The following GPATCH2 variants were observed in gnomAD, a reference collection of about 807,000 sequenced individuals.
GPATCH2 encodes G patch domain-containing protein 2.
A neutral mutation model predicts 58.0 loss-of-function variants in GPATCH2; 51 were observed. The observed-to-expected ratio is 0.88, with a 90% CI of 0.70 to 1.11. The LOEUF (loss-of-function observed/expected upper bound fraction) is 1.11. Among genes scored for constraint, GPATCH2 ranks in the 50% most tolerant of loss-of-function variants. The probability of loss-of-function intolerance (pLI) is 0.00; values close to 1 mark genes in which losing one functional copy is unlikely to be tolerated. For missense variants in GPATCH2, 625 were observed against 652.2 expected (o/e 0.96, Z 0.45); for synonymous variants, 222 against 218.5 (o/e 1.02, Z -0.14).
In GPATCH2 at chr1:217,547,244, T is replaced by G. The variant is rs1665101257; in HGVS notation, c.1099-32355A>C. Among the ~76,000 whole-genome samples the G allele has an allele frequency of 2.0e-5, 3 of 152,048 alleles. No individual in the cohort carries two copies. In the East Asian group the frequency reaches 5.8e-4, roughly 29 times the overall value. On this transcript the variant is annotated intron_variant, in intron 5 of 9. Coordinates refer to ENST00000366935, the MANE Select transcript of GPATCH2 (RefSeq NM_018040.5). ...CAGGTGTGGTGGTGGGCACCTGTAA[T>G]CCCAGCTACTTGGGAAGCTGAGGCA... is the stretch of plus-strand genomic sequence containing the variant.
In GPATCH2 at chr1:217,529,479, C is replaced by T. The variant is rs558383856; in HGVS notation, c.1099-14590G>A. Among the ~76,000 whole-genome samples the T allele has an allele frequency of 4.6e-5, 7 of 152,268 alleles. No homozygotes were observed. The East Asian group carries it at 5.8e-4, about 13-fold the overall frequency. On this transcript the variant is annotated intron_variant, in intron 5 of 9. Transcript: ENST00000366935. ...GTGGGTTGTTATAAAGCCAGGACAT[C>T]GCTCAGGTTTTTCTCTTCACACATG...
In GPATCH2 at chr1:217,491,723, C is replaced by T; in HGVS notation, c.1234G>A (p.Glu412Lys). The change falls in exon 8 of 10, where the codon GAA becomes AAA. Residue 412 changes from glutamate (E) to lysine (K), a missense_variant. By Grantham distance (56) the Glu-to-Lys change is moderately conservative. Transcript: ENST00000366935. ...QHQLLRDNRA[E>K]RGHKKNCSVR... ...GAACAATTTTTCTTGTGTCCTCTTT[C>T]AGCTCGATTATCTCTCAGAAGCTGA... 6.7e-7 allele frequency: 1 copy of T among 1,495,578 alleles called. No homozygotes were observed. Among genetic ancestry groups the T allele is most frequent in the Non-Finnish European group, 9.2e-7 (1 of 1,083,722 alleles). The allele number at this position is 1,495,578 out of a possible 1,614,324, so 92.6% of individuals were successfully genotyped here. A position where few individuals can be genotyped will look rare whatever the true frequency, so the allele number is the denominator to read the frequency against.
intron 9 of GPATCH2, among the ~76,000 whole-genome samples, chr1:217,442,542 A>G (rs1473788675): frequency 2.0e-5 from 3 of 152,182 alleles, no homozygotes; most frequent in Non-Finnish European, 4.4e-5. Context: ...TTCTTTTGCC[A>G]TATTTCCCCA....
intron 1 of GPATCH2, among the ~76,000 whole-genome samples, chr1:217,627,244 G>C (rs990787796): frequency 7.2e-5 from 11 of 151,900 alleles, no homozygotes; most frequent in African/African-American, 2.7e-4. Context: ...AGAGAAACTG[G>C]TCACCAAAAG....
At chr1:217,508,031 G>A (rs1424826876) in intron 6 of GPATCH2, among the ~76,000 whole-genome samples, 1 of 151,990 alleles carries the variant, frequency 6.6e-6, no homozygotes, top group Non-Finnish European at 1.5e-5. Flanking sequence ...TTCATACCTA[G>A]TTTAATAATA....
intron 8 of GPATCH2, among the ~76,000 whole-genome samples, chr1:217,470,447 T>A (rs191846650): frequency 6.6e-6 from 1 of 152,226 alleles, no homozygotes; most frequent in South Asian, 2.1e-4. Flanking sequence ...CCACTGGGCA[T>A]ATTACTTATT....
intron 3 of GPATCH2, 150 bp from the exon 4 acceptor site, chr1:217,611,221 T>C (rs1558524586): frequency 4.4e-6 from 3 of 687,038 alleles, no homozygotes; most frequent in Non-Finnish European, 7.2e-6. Context: ...TATTATATAC[T>C]TGCACTAAAT....
chr1:217,590,022 G>A (rs115932326), intron 5 of GPATCH2, among the ~76,000 whole-genome samples: 4,111 of 148,326 alleles, frequency 0.028, 75 homozygotes, highest in Middle Eastern at 0.11. Flanking sequence ...TCTGTACAAC[G>A]TCTTTTTTTT....
intron 7 of GPATCH2, among the ~76,000 whole-genome samples, chr1:217,493,404 G>T (rs1275283706): frequency 1.3e-5 from 2 of 152,000 alleles, no homozygotes; most frequent in African/African-American, 2.4e-5. Context: ...TTAGTTTGGG[G>T]TATGTACCAT....
chr1:217,593,534 G>C (rs1667685070), intron 5 of GPATCH2, among the ~76,000 whole-genome samples: 1 of 151,956 alleles, frequency 6.6e-6, no homozygotes, highest in Non-Finnish European at 1.5e-5. Context: ...TAATTCTGTA[G>C]CAATATTTTG....
chr1:217,460,225 G>A (rs980057134), intron 8 of GPATCH2, among the ~76,000 whole-genome samples: 13 of 152,146 alleles, frequency 8.5e-5, no homozygotes, highest in African/African-American at 2.9e-4. Flanking sequence ...TGAACAGAAA[G>A]TTAAGTTATT....
intron 5 of GPATCH2, among the ~76,000 whole-genome samples, chr1:217,523,348 A>G (rs1459536233): frequency 1.3e-5 from 2 of 151,532 alleles, no homozygotes; most frequent in Non-Finnish European, 2.9e-5. Context: ...GTCCCTGGGT[A>G]CTTGAGATTA....
intron 5 of GPATCH2, among the ~76,000 whole-genome samples, chr1:217,518,119 A>C (rs1392630072): frequency 6.6e-6 from 1 of 152,140 alleles, no homozygotes; most frequent in African/African-American, 2.4e-5. Flanking sequence ...TTATCACACA[A>C]AGTCTTAAGA....
Position 217,610,323 on chromosome 1 carries a change from T to C in GPATCH2, c.1096A>G (p.Met366Val), listed in dbSNP as rs1668562756. ...IKKSGGTPTS[M>V]VPIPGPVGNK... Reference sequence around the variant, plus strand: ...TTACACAGAAAAAGTATGCCTACCATTGAAGTTGGAGTCCCTCCAGATTTT... The same window carrying C: ...TTACACAGAAAAAGTATGCCTACCACTGAAGTTGGAGTCCCTCCAGATTTT... Residue 366 changes from methionine to valine, a missense_variant and splice_region_variant, in exon 5 of 10, where the codon ATG (methionine) becomes GTG (valine). Transcript: ENST00000366935. 1 of 1,571,236 alleles carries C rather than the reference T, an allele frequency of 6.4e-7. No homozygotes were observed. The highest frequency in any genetic ancestry group is 8.8e-7 in the Non-Finnish European group (1 of 1,142,098).
At chr1:217,595,666 A>T (rs1277013500) in intron 5 of GPATCH2, among the ~76,000 whole-genome samples, 1 of 151,892 alleles carries the variant, frequency 6.6e-6, no homozygotes, top group Non-Finnish European at 1.5e-5. Context: ...CGCTTGGCTA[A>T]TTTTTGTATT....
intron 7 of GPATCH2, among the ~76,000 whole-genome samples, chr1:217,491,952 T>A (rs1454333002): frequency 3.9e-5 from 6 of 152,098 alleles, no homozygotes; most frequent in Non-Finnish European, 5.9e-5. Flanking sequence ...GAGACAAGTT[T>A]TTCTTTTTAA....
At chr1:217,556,479 G>T (rs1027466062) in intron 5 of GPATCH2, among the ~76,000 whole-genome samples, 1 of 152,032 alleles carries the variant, frequency 6.6e-6, no homozygotes, top group Non-Finnish European at 1.5e-5. Flanking sequence ...GCATTATTCT[G>T]CACTTGCTCA....
chr1:217,550,355 C>T (rs1357794117), intron 5 of GPATCH2, among the ~76,000 whole-genome samples: 2 of 152,002 alleles, frequency 1.3e-5, no homozygotes, highest in Non-Finnish European at 2.9e-5. Context: ...AGAAACCTAC[C>T]TGCTCAGTGC....
chr1:217,441,367 T>G (rs1659131299), intron 9 of GPATCH2, among the ~76,000 whole-genome samples: 1 of 151,870 alleles, frequency 6.6e-6, no homozygotes, highest in African/African-American at 2.4e-5. Context: ...GGATTAAGAG[T>G]TAAACGTAAC....
Sources: gnomAD v4.1 joint callset for allele counts (sites outside exome capture counted in the v4.1 genomes callset) on GRCh38, gnomAD v4.1.1 for gene constraint, MANE v1.5 for transcripts, NCBI Gene and HGNC (gene_info 2026-07-23, HGNC 2026-07-21) for gene names.